SNX9: variants seen among roughly 807,000 people sequenced by gnomAD.
The protein encoded by SNX9 is sorting nexin-9.
Under a neutral mutation model 89.4 loss-of-function variants are expected in SNX9, and 44 were observed. The observed-to-expected ratio is 0.49, with a 90% confidence interval of 0.39 to 0.63. The LOEUF (loss-of-function observed/expected upper bound fraction) is 0.63, where lower values mean the gene tolerates loss of function less well. Among genes scored for constraint, SNX9 ranks in the 30% least tolerant of loss-of-function variants. The pLI, the probability that SNX9 is intolerant of heterozygous loss-of-function variation, is 0.00. For synonymous variants in SNX9, 236 were observed against 247.8 expected (o/e 0.95, Z 0.45); for missense variants, 578 against 736.1 (o/e 0.79, Z 2.49).
At position 157,883,745 on chromosome 6, in the gene SNX9, C is replaced by G. The variant is rs116216650; in HGVS notation, c.300+8569C>G. On this transcript the variant is annotated intron_variant, in intron 4 of 17. Transcript: ENST00000392185. ...TAACAGAGTGACTCCTTCCATCTTT[C>G]AGAAGCCCATCTCTTCAGGTTCAGC... Among the ~76,000 whole-genome samples, 879 of 152,324 alleles carry G rather than the reference C, an allele frequency of 5.8e-3. 12 individuals carry two copies. The highest frequency in any genetic ancestry group is 0.02 in the African/African-American group (834 of 41,572).
At chr6:157,924,237 A>T (rs1783642786) in intron 10 of SNX9, among the ~76,000 whole-genome samples, 1 of 151,974 alleles carries the variant, frequency 6.6e-6, no homozygotes, top group Non-Finnish European at 1.5e-5. Context: ...TATATTTCAA[A>T]TTAGCTTTAA....
At position 157,826,814 on chromosome 6, in the gene SNX9, A is replaced by AT. The variant is rs1562585872; in HGVS notation, c.12+3368_12+3369insT. On this transcript the variant is annotated intron_variant, in intron 1 of 17. Coordinates refer to ENST00000392185, the MANE Select transcript of SNX9 (RefSeq NM_016224.5). ...TATATATATATTATATTTTATATAT[A>AT]AATATATATTATATTTTATATATAT... 3.6e-4 allele frequency among the ~76,000 whole-genome samples: 41 copies of AT among 112,912 alleles called. 2 individuals are homozygous for AT. The highest frequency in any genetic ancestry group is 1.8e-3 in the African/African-American group (38 of 21,518). The allele number at this position is 112,912 out of a possible 152,430, so 74.1% of individuals were successfully genotyped here.
intron 1 of SNX9, among the ~76,000 whole-genome samples, chr6:157,859,353 A>G (rs573346630): frequency 6.6e-6 from 1 of 152,218 alleles, no homozygotes; most frequent in Non-Finnish European, 1.5e-5. Context: ...GTAGCATGCT[A>G]TATGCCCTGT....
chr6:157,856,166 A>G (rs184193122), intron 1 of SNX9, among the ~76,000 whole-genome samples: 21 of 152,382 alleles, frequency 1.4e-4, no homozygotes, highest in African/African-American at 4.8e-4. Flanking sequence ...TATTTCATAA[A>G]GTCTCCTCTA....
chr6:157,886,423 T>C (rs772996155), intron 4 of SNX9, among the ~76,000 whole-genome samples: 1 of 152,254 alleles, frequency 6.6e-6, no homozygotes, highest in Non-Finnish European at 1.5e-5. Context: ...GCAGTACATA[T>C]GCATTGTAGA....
At chr6:157,898,407 G>A (rs1783025021) in intron 5 of SNX9, among the ~76,000 whole-genome samples, 1 of 152,216 alleles carries the variant, frequency 6.6e-6, no homozygotes, top group African/African-American at 2.4e-5. Context: ...CAGGGAAGCT[G>A]AGCCCACGTT....
At chr6:157,897,834 C>T (rs1244502314) in intron 5 of SNX9, among the ~76,000 whole-genome samples, 1 of 152,174 alleles carries the variant, frequency 6.6e-6, no homozygotes, top group South Asian at 2.1e-4. Flanking sequence ...TGATTATTAA[C>T]TCAACCTCTG....
chr6:157,907,695 C>A (rs1783247380), intron 7 of SNX9, among the ~76,000 whole-genome samples: 1 of 152,226 alleles, frequency 6.6e-6, no homozygotes, highest in South Asian at 2.1e-4. Context: ...CACCCATGCA[C>A]CCAGTAGGCA....
At chr6:157,832,498 T>A (rs759885515) in intron 1 of SNX9, among the ~76,000 whole-genome samples, 24 of 152,182 alleles carry the variant, frequency 1.6e-4, no homozygotes, top group Non-Finnish European at 2.6e-4. Context: ...TCTTGAAATG[T>A]CTGTGTATTA....
intron 1 of SNX9, among the ~76,000 whole-genome samples, chr6:157,834,911 A>G (rs1294579003): frequency 6.6e-6 from 1 of 152,232 alleles, no homozygotes; most frequent in Non-Finnish European, 1.5e-5. Flanking sequence ...CCAAAACCCT[A>G]GGAAATCAAT....
At chr6:157,863,446 T>C (rs1450789788) in intron 1 of SNX9, among the ~76,000 whole-genome samples, 1 of 152,264 alleles carries the variant, frequency 6.6e-6, no homozygotes, top group African/African-American at 2.4e-5. Flanking sequence ...TAGCCATTCA[T>C]GTCATCTGTA....
chr6:157,913,725 G>T (rs1377765056), intron 9 of SNX9, among the ~76,000 whole-genome samples: 1 of 152,122 alleles, frequency 6.6e-6, no homozygotes, highest in Non-Finnish European at 1.5e-5. Context: ...CGTTTTCTAG[G>T]ATGTCATTAT....
chr6:157,909,997 C>T lies in SNX9; in HGVS notation c.921C>T (p.Ile307=), dbSNP rs533846010. 6.2e-6 allele frequency: 10 copies of T among 1,614,030 alleles called. No individual in the cohort carries two copies. In the South Asian group the frequency reaches 9.9e-5, roughly 16 times the overall value. ...LLVKFGSAIP[I]PSLPDKQVTG... ...TTAAGTTTGGGTCAGCCATTCCAAT[C>T]CCTTCTCTTCCAGACAAACAAGTCA... Residue 307 remains isoleucine (I), a synonymous_variant, in exon 9 of 18, where the codon ATC becomes ATT. Coordinates refer to ENST00000392185, the MANE Select transcript of SNX9 (RefSeq NM_016224.5).
At position 157,940,911 on chromosome 6, in the gene SNX9, G is replaced by A. The variant is rs764233797; in HGVS notation, c.1677G>A (p.Arg559=). The A allele has an allele frequency of 5.0e-6, 8 of 1,614,066 alleles. No homozygotes were observed. The Admixed American group carries it at 5.0e-5, about 10-fold the overall frequency. ...QAEMNHFHSN[R]IYDYNSVIRL... is the part of the protein sequence containing the mutation. ...AGATGAATCACTTTCACAGTAACCG[G>A]ATCTATGATTACAACAGTGTCATCC... The change falls in exon 17 of 18, where the codon CGG becomes CGA. Residue 559 remains arginine, a synonymous_variant. Transcript: ENST00000392185.
intron 1 of SNX9, among the ~76,000 whole-genome samples, chr6:157,824,293 T>C (rs577467260): frequency 2.6e-4 from 39 of 152,294 alleles, no homozygotes; most frequent in Admixed American, 1.3e-3. Context: ...TTTCAGTAGT[T>C]ACTTGATGTA....
chr6:157,924,670 T>C (rs1783653253), intron 10 of SNX9: 2 of 152,310 alleles, frequency 1.3e-5, no homozygotes, highest in Non-Finnish European at 2.9e-5. Context: ...TCTTGGAAAG[T>C]GTGTAAGCCG....
chr6:157,860,421 T>C (rs1228930530), intron 1 of SNX9, among the ~76,000 whole-genome samples: 1 of 152,120 alleles, frequency 6.6e-6, no homozygotes. Flanking sequence ...TACAATAAAA[T>C]ATCCAATTAA....
chr6:157,848,710 G>A (rs540564324), intron 1 of SNX9, among the ~76,000 whole-genome samples: 1 of 152,206 alleles, frequency 6.6e-6, no homozygotes, highest in African/African-American at 2.4e-5. Context: ...TGCTGAGCAG[G>A]ACTGACAGGG....
At chr6:157,939,402 C>T (rs1783990271) in intron 16 of SNX9, among the ~76,000 whole-genome samples, 1 of 149,670 alleles carries the variant, frequency 6.7e-6, no homozygotes, top group African/African-American at 2.5e-5. Flanking sequence ...TTGATGCAGG[C>T]ATTAAGAAGC....
Sources: allele counts gnomAD v4.1 joint callset (sites outside exome capture counted in the v4.1 genomes callset), GRCh38; gene constraint gnomAD v4.1.1; transcripts MANE v1.5; gene names NCBI Gene and HGNC (gene_info 2026-07-23, HGNC 2026-07-21).